Variants in ANO4 observed in about 807,000 individuals in gnomAD.
ANO4 encodes anoctamin-4.
In ANO4, 69 loss-of-function variants were observed where a neutral mutation model predicts 141.9. That is an observed-to-expected ratio of 0.49 (90% CI 0.40 to 0.59). The LOEUF (loss-of-function observed/expected upper bound fraction) is 0.59. Among genes scored for constraint, ANO4 ranks in the 20% least tolerant of loss-of-function variants. The probability of loss-of-function intolerance (pLI) is 0.00; values close to 1 mark genes in which losing one functional copy is unlikely to be tolerated. For synonymous variants in ANO4, 350 were observed against 394.3 expected, an observed-to-expected ratio of 0.89 and a Z score of 1.33; for missense variants, 894 against 1,162.2, an observed-to-expected ratio of 0.77 and a Z score of 3.36.
chr12:101,081,142 G>T (rs2049262195), intron 15 of ANO4, among the ~76,000 whole-genome samples: 1 of 151,492 alleles, frequency 6.6e-6, no homozygotes, highest in Non-Finnish European at 1.5e-5. Flanking sequence ...CCTCTTGTGT[G>T]GTGCCATTCT....
At chr12:100,994,245 A>G (rs2045270373) in intron 8 of ANO4, among the ~76,000 whole-genome samples, 1 of 152,210 alleles carries the variant, frequency 6.6e-6, no homozygotes, top group East Asian at 1.9e-4. Flanking sequence ...TCTCTGTGAT[A>G]AATTAAACTC....
intron 1 of ANO4, among the ~76,000 whole-genome samples, chr12:100,853,601 T>C (rs1025529574): frequency 1.5e-5 from 2 of 135,908 alleles, no homozygotes; most frequent in African/African-American, 5.5e-5. Context: ...TAACTTTTGG[T>C]ATCCAAAATT....
In ANO4 at chr12:101,042,460, C is replaced by G; in HGVS notation, c.1146C>G (p.Ser382Arg). ...FLYGVTTLDH[S>R]QVSKEVCQAT... is the part of the protein sequence containing the mutation. ...ATGGCGTCACCACTCTGGATCACAG[C>G]CAAGTCAGGTACGGGGAGCTCTTGG... Residue 382 changes from serine to arginine, a missense_variant, in exon 12 of 28, where the codon AGC becomes AGG. Ser to Arg is a moderately radical substitution (Grantham distance 110). This residue lies in a region of ANO4 where 637 missense variants were observed against 909.2 expected (regional missense o/e 0.70). Transcript: ENST00000392977. The G allele has an allele frequency of 6.2e-7, 1 of 1,614,054 alleles. No individual in the cohort carries two copies. Among genetic ancestry groups the G allele is most frequent in the South Asian group, 1.1e-5 (1 of 91,082 alleles).
intron 9 of ANO4, among the ~76,000 whole-genome samples, chr12:101,034,670 G>T (rs1382299131): frequency 6.6e-6 from 1 of 152,040 alleles, no homozygotes; most frequent in Non-Finnish European, 1.5e-5. Context: ...AAAAAATATG[G>T]CTAGTAAAGG....
chr12:101,108,034 A>G (rs2050517134), intron 22 of ANO4, among the ~76,000 whole-genome samples: 2 of 152,148 alleles, frequency 1.3e-5, no homozygotes, highest in South Asian at 4.1e-4. Flanking sequence ...TAAAAGGATA[A>G]ATACGTTCAA....
Position 100,901,678 on chromosome 12 carries a change from C to G in ANO4, c.-108C>G. 1 of 939,196 alleles carries G rather than the reference C, an allele frequency of 1.1e-6. No homozygotes were observed. Among genetic ancestry groups the G allele is most frequent in the Non-Finnish European group, 1.8e-6 (1 of 564,202 alleles). The allele number at this position is 939,196 out of a possible 1,614,324, so 58.2% of individuals were successfully genotyped here. On this transcript the variant is annotated 5_prime_UTR_variant, in exon 2 of 28. Coordinates refer to ENST00000392977, the MANE Select transcript of ANO4 (RefSeq NM_001286615.2). ...TTTATCTATTCATGGGGCTGAAAAG[C>G]GTTTGCAAATCCATCAACGGCGAAG...
At chr12:100,790,540 C>G (rs1442243329), upstream of ANO4, among the ~76,000 whole-genome samples, 3 of 152,082 alleles carry the variant, frequency 2.0e-5, no homozygotes, top group Non-Finnish European at 4.4e-5. Flanking sequence ...CGCTAATTTT[C>G]TAACATTGGT....
chr12:101,014,488 T>C (rs2046233995), intron 8 of ANO4, among the ~76,000 whole-genome samples: 1 of 152,178 alleles, frequency 6.6e-6, no homozygotes, highest in Admixed American at 6.5e-5. Flanking sequence ...CAGCAAGGTC[T>C]TCCTCATGGG....
intron 24 of ANO4, among the ~76,000 whole-genome samples, chr12:101,114,195 G>A (rs1326067128): frequency 2.0e-5 from 3 of 152,192 alleles, no homozygotes; most frequent in Non-Finnish European, 4.4e-5. Flanking sequence ...GTTGACACTT[G>A]CATGCCACTA....
At chr12:100,833,107 G>A (rs1237961829) in intron 1 of ANO4, among the ~76,000 whole-genome samples, 1 of 152,096 alleles carries the variant, frequency 6.6e-6, no homozygotes. Context: ...AAGGGACTGG[G>A]GGAGAGGATG....
At chr12:100,739,909 C>T (rs931589607) in exon 3 of ANO4, 55 of 702,466 alleles carry the variant, frequency 7.8e-5, no homozygotes, top group African/African-American at 1.9e-4. Context: ...AAAATCCATA[C>T]GTACAAGGCA....
At chr12:100,788,371 C>T (rs1251016187) in intron 3 of ANO4, among the ~76,000 whole-genome samples, 1 of 152,186 alleles carries the variant, frequency 6.6e-6, no homozygotes, top group East Asian at 1.9e-4. Context: ...TACTCAGTAC[C>T]TTAGTTCCAG....
chr12:101,083,754 C>G lies in ANO4; in HGVS notation c.1472C>G (p.Pro491Arg). Residue 491 changes from proline to arginine, a missense_variant, in exon 16 of 28, where the codon CCT (proline) becomes CGT (arginine). This residue lies in a region of ANO4 where 637 missense variants were observed against 909.2 expected (regional missense o/e 0.70). Transcript: ENST00000392977. ...AATCCAATTTCTGGAAAGCCAGAACCTTATCAAGCATTTACAGATAAATGC... is the reference window on the plus strand; with the variant it reads ...AATCCAATTTCTGGAAAGCCAGAACGTTATCAAGCATTTACAGATAAATGC... Reference protein sequence around the residue: ...RMNPISGKPEPYQAFTDKCSR... With the variant: ...RMNPISGKPERYQAFTDKCSR... 1 of 1,605,404 alleles carries G rather than the reference C, an allele frequency of 6.2e-7. No individual in the cohort carries two copies. The highest frequency in any genetic ancestry group is 1.1e-5 in the South Asian group (1 of 88,554).
intron 1 of ANO4, among the ~76,000 whole-genome samples, chr12:100,853,329 C>T (rs959555969): frequency 2.6e-5 from 4 of 152,074 alleles, no homozygotes; most frequent in Non-Finnish European, 4.4e-5. Flanking sequence ...TTGTTAAGTA[C>T]ATTGTATGTC....
At chr12:100,729,770 A>G (rs1040591623) in intron 1 of ANO4, among the ~76,000 whole-genome samples, 3 of 152,170 alleles carry the variant, frequency 2.0e-5, no homozygotes, top group African/African-American at 7.2e-5. Context: ...CCTTCAGGTC[A>G]TCACTTTGCA....
At chr12:100,755,040 A>T (rs1311435714) in intron 3 of ANO4, among the ~76,000 whole-genome samples, 1 of 152,176 alleles carries the variant, frequency 6.6e-6, no homozygotes, top group Non-Finnish European at 1.5e-5. Context: ...ATTTGATGTT[A>T]TGTGCATTTT....
chr12:100,944,185 T>A (rs2042620438), intron 5 of ANO4, among the ~76,000 whole-genome samples: 1 of 152,162 alleles, frequency 6.6e-6, no homozygotes, highest in East Asian at 1.9e-4. Context: ...CACATTAAAG[T>A]GATGGAAAGT....
At chr12:100,953,329 T>C (rs978414592) in intron 5 of ANO4, among the ~76,000 whole-genome samples, 3 of 152,224 alleles carry the variant, frequency 2.0e-5, no homozygotes, top group Non-Finnish European at 4.4e-5. Flanking sequence ...GAACTGTAAA[T>C]CCATTTACAA....
chr12:100,947,731 A>G (rs2042783487), intron 5 of ANO4, among the ~76,000 whole-genome samples: 2 of 152,184 alleles, frequency 1.3e-5, no homozygotes, highest in Admixed American at 1.3e-4. Flanking sequence ...TTAATCACTT[A>G]CTATTATAAT....
Sources: gnomAD v4.1 joint callset for allele counts (sites outside exome capture counted in the v4.1 genomes callset) on GRCh38, gnomAD v4.1.1 for gene constraint, gnomAD v4.1.1 regional missense constraint, MANE v1.5 for transcripts, NCBI Gene and HGNC (gene_info 2026-07-23, HGNC 2026-07-21) for gene names.